ATG4A: variants seen among roughly 807,000 people sequenced by gnomAD.
ATG4A encodes cysteine protease ATG4A.
Under a neutral mutation model 38.4 loss-of-function variants are expected in ATG4A, and 22 were observed. The observed-to-expected ratio is 0.57, with a 90% CI of 0.41 to 0.82. The LOEUF (loss-of-function observed/expected upper bound fraction) is 0.82. Ranked by LOEUF, ATG4A falls within the 40% of genes least tolerant of loss-of-function variation. ATG4A has a pLI of 0.00. For synonymous variants in ATG4A, 86 were observed against 100.7 expected, an observed-to-expected ratio of 0.85 and a Z score of 0.88; for missense variants, 220 against 290.0, an observed-to-expected ratio of 0.76 and a Z score of 1.75.
chrX:108,120,664 T>C (rs1430552102), intron 1 of ATG4A, among the ~76,000 whole-genome samples: 1 of 112,257 alleles, frequency 8.9e-6, no homozygotes, highest in Non-Finnish European at 1.9e-5. Context: ...TGTCATATTT[T>C]CTGGGGCCAA....
At chrX:108,136,400 A>G (rs2033108075) in intron 6 of ATG4A, among the ~76,000 whole-genome samples, 1 of 111,286 alleles carries the variant, frequency 9.0e-6, no homozygotes, top group African/African-American at 3.3e-5. Flanking sequence ...CATAGACTTC[A>G]GATCATCTCT....
intron 1 of ATG4A, among the ~76,000 whole-genome samples, chrX:108,099,861 T>A (rs973910676): frequency 8.9e-6 from 1 of 112,100 alleles, no homozygotes; most frequent in South Asian, 3.6e-4. Flanking sequence ...CCACACAGTG[T>A]TGAATACTGT....
At chrX:108,099,914 T>G (rs760315870) in intron 1 of ATG4A, among the ~76,000 whole-genome samples, 1 of 111,863 alleles carries the variant, frequency 8.9e-6, no homozygotes, top group African/African-American at 3.2e-5. Context: ...TGATTCCTCC[T>G]AGTTTATTGT....
upstream of ATG4A, among the ~76,000 whole-genome samples, chrX:108,090,471 C>T (rs1206680808): frequency 1.8e-5 from 2 of 112,050 alleles, no homozygotes; most frequent in Non-Finnish European, 3.8e-5. Flanking sequence ...CCTTAAATAT[C>T]ACCAGACCAT....
rs1190670265 is a variant in ATG4A at position 108,153,804 on chromosome X, C to T, written c.*92C>T. ...TAAAACTTTTCTAGTCAGCAAGTGC[C>T]TGATATGCCAATAGCATACAAACTC... is the stretch of plus-strand genomic sequence containing the variant. On this transcript the variant is annotated 3_prime_UTR_variant, in exon 13 of 13. Transcript: ENST00000372232. The T allele has an allele frequency of 1.5e-5, 10 of 664,322 alleles. No individual in the cohort carries two copies. The highest frequency in any genetic ancestry group is 2.4e-5 in the Non-Finnish European group (10 of 414,044). The allele number at this position is 664,322 out of a possible 1,213,427, so 54.7% of individuals were successfully genotyped here.
intron 1 of ATG4A, among the ~76,000 whole-genome samples, chrX:108,104,577 CTTT>C (rs1268629995): frequency 2.7e-5 from 3 of 111,170 alleles, no homozygotes; most frequent in Non-Finnish European, 5.7e-5. Flanking sequence ...AAAATTCTTT[CTTT>C]GTCTTGGACT....
intron 1 of ATG4A, among the ~76,000 whole-genome samples, chrX:108,107,086 C>T (rs759653486): frequency 6.3e-5 from 7 of 111,072 alleles, no homozygotes; most frequent in Non-Finnish European, 1.3e-4. Context: ...AGATTTTCAC[C>T]TATTTTTTTT....
chrX:108,137,072 A>C lies in ATG4A; in HGVS notation c.468-19A>C. The C allele has an allele frequency of 8.4e-7, 1 of 1,188,704 alleles. No individual in the cohort carries two copies. Among genetic ancestry groups the C allele is most frequent in the Non-Finnish European group, 1.1e-6 (1 of 878,218 alleles). On this transcript the variant is annotated intron_variant, in intron 6 of 12. Coordinates refer to ENST00000372232, the MANE Select transcript of ATG4A (RefSeq NM_052936.5). Reference sequence around the variant, plus strand: ...TTCCATCTTCCCAAATTGTGACTTCATTATACATTGCTTTGCAGAAAACTT... The same window carrying C: ...TTCCATCTTCCCAAATTGTGACTTCCTTATACATTGCTTTGCAGAAAACTT...
At chrX:108,119,534 T>A (rs1221690244) in intron 1 of ATG4A, among the ~76,000 whole-genome samples, 1 of 112,249 alleles carries the variant, frequency 8.9e-6, no homozygotes, top group Non-Finnish European at 1.9e-5. Context: ...TTTCATTTTT[T>A]AAAAATGCTG....
chrX:108,100,097 T>C (rs2031957227), intron 1 of ATG4A, among the ~76,000 whole-genome samples: 1 of 111,727 alleles, frequency 9.0e-6, no homozygotes, highest in Non-Finnish European at 1.9e-5. Flanking sequence ...GCACCATATG[T>C]CTCTCCCTTT....
chrX:108,102,822 C>G (rs1393561177), intron 1 of ATG4A, among the ~76,000 whole-genome samples: 1 of 108,183 alleles, frequency 9.2e-6, no homozygotes, highest in African/African-American at 3.4e-5. Context: ...TGGATCTTTG[C>G]CCCCTTTTTT....
chrX:108,134,166 C>T lies in ATG4A; in HGVS notation c.394+8C>T, dbSNP rs774766454. The T allele has an allele frequency of 7.6e-6, 9 of 1,188,724 alleles. No homozygotes were observed. The highest frequency in any genetic ancestry group is 1.0e-5 in the Non-Finnish European group (9 of 877,825). On this transcript the variant is annotated splice_region_variant and intron_variant, in intron 5 of 12. Transcript: ENST00000372232. ...ACTCTATCCATCAAATGGGTAAGGT[C>T]ATAAATCAATAGTTTAAAGGCAGTG...
At chrX:108,149,992 C>T (rs2033543069) in intron 9 of ATG4A, 160 bp from the exon 10 acceptor site, 2 of 552,069 alleles carry the variant, frequency 3.6e-6, no homozygotes, top group Admixed American at 3.5e-5. Flanking sequence ...GCGCAAGTGG[C>T]TTCCTTTAAG....
intron 1 of ATG4A, among the ~76,000 whole-genome samples, chrX:108,123,424 C>T (rs1194027527): frequency 3.6e-5 from 4 of 112,388 alleles, no homozygotes; most frequent in African/African-American, 1.3e-4. Flanking sequence ...TATTTTACTT[C>T]TGTACCTCAT....
intron 1 of ATG4A, among the ~76,000 whole-genome samples, chrX:108,100,349 A>C (rs1350288513): frequency 9.0e-6 from 1 of 111,393 alleles, no homozygotes. Flanking sequence ...GGGGGTTAAA[A>C]GGTATTTTTC....
At chrX:108,122,423 T>C (rs1339453772) in intron 1 of ATG4A, among the ~76,000 whole-genome samples, 1 of 111,784 alleles carries the variant, frequency 8.9e-6, no homozygotes, top group Non-Finnish European at 1.9e-5. Flanking sequence ...GAACATTTAC[T>C]CAAGAAAAAT....
At chrX:108,130,120 C>G (rs1485735186) in intron 3 of ATG4A, among the ~76,000 whole-genome samples, 2 of 110,911 alleles carry the variant, frequency 1.8e-5, no homozygotes, top group Non-Finnish European at 3.8e-5. Flanking sequence ...TAGCAAGAGC[C>G]AAAAGGCACC....
intron 1 of ATG4A, among the ~76,000 whole-genome samples, chrX:108,109,975 T>G (rs1003628665): frequency 3.6e-5 from 4 of 111,223 alleles, no homozygotes; most frequent in Non-Finnish European, 5.6e-5. Context: ...CATATGAGTT[T>G]TAGGATGAAT....
chrX:108,115,501 T>C lies in ATG4A; in HGVS notation c.11-10576T>C, dbSNP rs774269627. 2.7e-5 allele frequency among the ~76,000 whole-genome samples: 3 copies of C among 112,100 alleles called. No individual in the cohort carries two copies. The East Asian group carries it at 8.5e-4, about 32-fold the overall frequency. On this transcript the variant is annotated intron_variant, in intron 1 of 12. Transcript: ENST00000372232. The stretch of plus-strand genomic sequence containing the variant: ...TCGTTTTGCCTGGTTTCAAACTTTA[T>C]GTAAATTGAGTCATACTGTATCTAC...
Sources: allele counts gnomAD v4.1 joint callset (sites outside exome capture counted in the v4.1 genomes callset), GRCh38; gene constraint gnomAD v4.1.1; transcripts MANE v1.5; gene names NCBI Gene and HGNC (gene_info 2026-07-23, HGNC 2026-07-21).